KIF16B: variants seen among roughly 807,000 people sequenced by gnomAD.
The protein encoded by KIF16B is kinesin family member 16B.
A neutral mutation model predicts 156.3 loss-of-function variants in KIF16B; 98 were observed. The ratio of observed to expected loss-of-function variants is 0.63; its 90% confidence interval spans 0.53 to 0.74. The LOEUF (loss-of-function observed/expected upper bound fraction) is 0.74, where lower values mean the gene tolerates loss of function less well. Ranked by LOEUF, KIF16B falls within the 30% of genes least tolerant of loss-of-function variation. The pLI, the probability that KIF16B is intolerant of heterozygous loss-of-function variation, is 0.00. For missense variants in KIF16B, 1,421 were observed against 1,606.5 expected, an observed-to-expected ratio of 0.88 and a Z score of 1.97; for synonymous variants, 564 against 583.7, an observed-to-expected ratio of 0.97 and a Z score of 0.49.
chr20:16,318,946 G>A (rs1030831071), intron 24 of KIF16B, among the ~76,000 whole-genome samples: 6 of 152,284 alleles, frequency 3.9e-5, no homozygotes, highest in African/African-American at 9.6e-5. Context: ...CTTCAGCCAC[G>A]TGATCAAGTA....
intron 24 of KIF16B, among the ~76,000 whole-genome samples, chr20:16,321,792 T>G (rs981467110): frequency 2.0e-5 from 3 of 152,006 alleles, no homozygotes; most frequent in African/African-American, 7.2e-5. Flanking sequence ...CAAACAGAAA[T>G]GCAGTATTCA....
At position 16,497,623 on chromosome 20, in the gene KIF16B, T is replaced by C. The variant is rs1476631227; in HGVS notation, c.1232A>G (p.Asn411Ser). The C allele has an allele frequency of 6.2e-7, 1 of 1,609,554 alleles. No homozygotes were observed. ...CAAAGTATCACTTACTCTTGCTTCA[T>C]TCTGCTGAAGTTTTTCCTCCATACT... Reference protein sequence around the residue: ...ALSMEEKLQQNEARVQELTKE... With the variant: ...ALSMEEKLQQSEARVQELTKE... Residue 411 changes from asparagine (N) to serine (S), a missense_variant, in exon 11 of 26, where the codon AAT (asparagine) becomes AGT (serine). Physicochemically the swap from Asn to Ser is conservative, Grantham distance 46. Coordinates refer to ENST00000354981, the MANE Select transcript of KIF16B (RefSeq NM_024704.5).
intron 24 of KIF16B, among the ~76,000 whole-genome samples, chr20:16,315,095 G>A (rs376886613): frequency 6.6e-6 from 1 of 152,142 alleles, no homozygotes; most frequent in East Asian, 1.9e-4. Context: ...TCAATCAGAA[G>A]TCGTGCAATA....
At chr20:16,395,665 TAA>T (rs2065483011) in intron 17 of KIF16B, among the ~76,000 whole-genome samples, 1 of 104,804 alleles carries the variant, frequency 9.5e-6, no homozygotes, top group Non-Finnish European at 2.1e-5. Flanking sequence ...AGCACAGAAC[TAA>T]TTAGGAGCTT....
At chr20:16,273,821 C>T (rs1397228335) in intron 25 of KIF16B, among the ~76,000 whole-genome samples, 1 of 152,166 alleles carries the variant, frequency 6.6e-6, no homozygotes, top group Non-Finnish European at 1.5e-5. Context: ...GAATGCCCTC[C>T]ACTGTCCCAC....
chr20:16,494,219 TAAA>T (rs78970970), intron 12 of KIF16B, 69 bp downstream of exon 12: 1,955 of 745,046 alleles, frequency 2.6e-3, no homozygotes, highest in South Asian at 3.3e-3. Context: ...GTTTGGAGAT[TAAA>T]AAAAAAAAAA....
intron 12 of KIF16B, among the ~76,000 whole-genome samples, chr20:16,468,733 A>G (rs1268547912): frequency 6.6e-6 from 1 of 152,178 alleles, no homozygotes; most frequent in Non-Finnish European, 1.5e-5. Flanking sequence ...CAAATCTACT[A>G]TTAGAGAGTT....
intron 15 of KIF16B, among the ~76,000 whole-genome samples, chr20:16,415,450 G>A (rs1241637554): frequency 1.3e-5 from 2 of 151,858 alleles, no homozygotes; most frequent in East Asian, 1.9e-4. Flanking sequence ...TTTTCCTCAC[G>A]GCTCTTCTAT....
At chr20:16,312,490 A>G in intron 24 of KIF16B, 72 bp from the exon 25 acceptor site, 1 of 1,137,914 alleles carries the variant, frequency 8.8e-7, no homozygotes, top group Non-Finnish European at 1.3e-6. Flanking sequence ...TTAATCTATT[A>G]TTTGAAATCT....
intron 23 of KIF16B, among the ~76,000 whole-genome samples, chr20:16,340,291 A>G (rs1234089695): frequency 6.6e-6 from 1 of 152,176 alleles, no homozygotes; most frequent in African/African-American, 2.4e-5. Context: ...TGGATATCCT[A>G]TCTAAAATTG....
At chr20:16,292,341 C>G (rs1288068592) in intron 25 of KIF16B, among the ~76,000 whole-genome samples, 1 of 152,136 alleles carries the variant, frequency 6.6e-6, no homozygotes, top group Non-Finnish European at 1.5e-5. Flanking sequence ...AATACTGTCT[C>G]AAAGGATTGC....
chr20:16,417,785 G>A (rs2066126840), intron 15 of KIF16B, among the ~76,000 whole-genome samples: 1 of 152,048 alleles, frequency 6.6e-6, no homozygotes, highest in African/African-American at 2.4e-5. Flanking sequence ...AAAAAAGTCA[G>A]TGAACTTAAA....
At chr20:16,524,320 AT>A (rs2069456304) in intron 3 of KIF16B, among the ~76,000 whole-genome samples, 1 of 152,196 alleles carries the variant, frequency 6.6e-6, no homozygotes, top group African/African-American at 2.4e-5. Flanking sequence ...ACTTAAACAA[AT>A]TTACAAGAAA....
At chr20:16,496,756 A>G (rs1438450885) in intron 11 of KIF16B, among the ~76,000 whole-genome samples, 2 of 152,214 alleles carry the variant, frequency 1.3e-5, no homozygotes, top group Non-Finnish European at 1.5e-5. Context: ...TAATAAATAA[A>G]ATTTCATTTA....
intron 12 of KIF16B, among the ~76,000 whole-genome samples, chr20:16,480,415 A>G (rs764080348): frequency 8.5e-5 from 13 of 152,180 alleles, no homozygotes; most frequent in Admixed American, 1.3e-4. Context: ...TGAGACCAAG[A>G]GAGAGAATAT....
intron 23 of KIF16B, among the ~76,000 whole-genome samples, chr20:16,340,156 C>T (rs2064115614): frequency 6.6e-6 from 1 of 152,128 alleles, no homozygotes; most frequent in South Asian, 2.1e-4. Flanking sequence ...GCAAGTATGG[C>T]CTTAGAGACT....
At chr20:16,500,863 T>C (rs1600556004) in intron 10 of KIF16B, among the ~76,000 whole-genome samples, 2 of 152,292 alleles carry the variant, frequency 1.3e-5, no homozygotes, top group Admixed American at 1.3e-4. Flanking sequence ...TTCATTCTAC[T>C]TTCATCTTCC....
At chr20:16,283,522 C>A (rs1308967589) in intron 25 of KIF16B, among the ~76,000 whole-genome samples, 1 of 152,128 alleles carries the variant, frequency 6.6e-6, no homozygotes, top group Non-Finnish European at 1.5e-5. Context: ...AGCTGAGTGC[C>A]AGGAAAACAG....
At chr20:16,564,311 C>T (rs1341993345) in intron 1 of KIF16B, among the ~76,000 whole-genome samples, 4 of 152,318 alleles carry the variant, frequency 2.6e-5, no homozygotes, top group East Asian at 1.9e-4. Context: ...ATATGTGCCA[C>T]ATTTTCTTAA....
Sources: allele counts gnomAD v4.1 joint callset (sites outside exome capture counted in the v4.1 genomes callset), GRCh38; gene constraint gnomAD v4.1.1; transcripts MANE v1.5; gene names NCBI Gene and HGNC (gene_info 2026-07-23, HGNC 2026-07-21).